The following MIA2 variants were observed in gnomAD, a reference collection of about 807,000 sequenced individuals.
MIA2 encodes MIA SH3 domain ER export factor 2.
A neutral mutation model predicts 167.8 loss-of-function variants in MIA2; 127 were observed. The observed-to-expected ratio is 0.76, with a 90% CI of 0.66 to 0.88. The LOEUF (loss-of-function observed/expected upper bound fraction) is 0.88. MIA2 is among the 40% of genes least tolerant of loss of function. MIA2 has a pLI of 0.00. For missense variants in MIA2, 1,690 were observed against 1,624.7 expected (o/e 1.04, Z -0.69); for synonymous variants, 552 against 541.9 (o/e 1.02, Z -0.26).
rs2064670852 is a variant in MIA2 at position 39,313,217 on chromosome 14, ATGTTTTCAG to A, written c.3018-120_3018-112del. The A allele has an allele frequency of 3.0e-5, 14 of 471,736 alleles. No individual in the cohort carries two copies. In the South Asian group the frequency reaches 5.6e-4, roughly 19 times the overall value. The allele number at this position is 471,736 out of a possible 1,614,324, so 29.2% of individuals were successfully genotyped here. ...GATACTTTTTTTTTCCTTGTAGGTG[ATGTTTTCAG>A]TGGTATTTTAGAAATCATTTGACAG... On this transcript the variant is annotated intron_variant, in intron 18 of 28. Coordinates refer to ENST00000640607, the MANE Select transcript of MIA2 (RefSeq NM_001329214.4).
At chr14:39,320,903 A>G in intron 23 of MIA2, 25 bp from the exon 24 acceptor site, 1 of 1,605,298 alleles carries the variant, frequency 6.2e-7, no homozygotes, top group South Asian at 1.1e-5. Flanking sequence ...CTATGAATTT[A>G]AATATGCTGT....
chr14:39,386,984 A>G (rs1457831788), exon 24 of MIA2: 3 of 762,862 alleles, frequency 3.9e-6, no homozygotes, highest in Non-Finnish European at 6.9e-6. Flanking sequence ...GACTAACGAG[A>G]TCTGTGACGA....
At chr14:39,255,337 G>A (rs1359086198) in intron 6 of MIA2, among the ~76,000 whole-genome samples, 1 of 151,982 alleles carries the variant, frequency 6.6e-6, no homozygotes, top group Non-Finnish European at 1.5e-5. Flanking sequence ...GTGAAACCTC[G>A]TCTCTACAAA....
chr14:39,296,732 C>CCACTAATGTGT (rs1419036933), intron 13 of MIA2, among the ~76,000 whole-genome samples: 2 of 150,624 alleles, frequency 1.3e-5, no homozygotes, highest in Non-Finnish European at 2.9e-5. Context: ...TGCGCTGCAC[C>CCACTAATGTGT]CACTAATGTG....
At chr14:39,360,815 A>G (rs924009776) in intron 23 of MIA2, among the ~76,000 whole-genome samples, 3 of 152,172 alleles carry the variant, frequency 2.0e-5, no homozygotes, top group Non-Finnish European at 4.4e-5. Context: ...TGTTTAATCC[A>G]TCTTGAGTTT....
chr14:39,332,388 T>G (rs561665064), intron 25 of MIA2, among the ~76,000 whole-genome samples: 2 of 152,192 alleles, frequency 1.3e-5, no homozygotes, highest in Non-Finnish European at 2.9e-5. Flanking sequence ...TAGGTTAGAA[T>G]ATGCTCCTTT....
chr14:39,385,818 A>G (rs1340705700), intron 23 of MIA2: 1 of 927,182 alleles, frequency 1.1e-6, no homozygotes, highest in African/African-American at 1.6e-5. Context: ...TTCTATTTAC[A>G]ACACAGGAAA....
intron 6 of MIA2, among the ~76,000 whole-genome samples, chr14:39,256,191 C>T (rs1178263161): frequency 6.6e-6 from 1 of 152,170 alleles, no homozygotes; most frequent in Non-Finnish European, 1.5e-5. Context: ...CATTTTCCTA[C>T]ATTTATGTCA....
chr14:39,267,239 A>T, intron 6 of MIA2: 1 of 1,382,394 alleles, frequency 7.2e-7, no homozygotes, highest in South Asian at 1.6e-5. Context: ...CTGCCTCGGG[A>T]TGTAAAGTAT....
Position 39,293,437 on chromosome 14 carries a change from A to G in MIA2, c.2319+56A>G, listed in dbSNP as rs1042831737. The G allele has an allele frequency of 5.2e-6, 6 of 1,161,820 alleles. No individual in the cohort carries two copies. In the African/African-American group the frequency reaches 9.4e-5, roughly 18 times the overall value. 72.0% of individuals were successfully genotyped at this position (1,161,820 alleles called of 1,614,324 possible). A position where few individuals can be genotyped will look rare whatever the true frequency, so the allele number is the denominator to read the frequency against. On this transcript the variant is annotated intron_variant, in intron 11 of 28. Transcript: ENST00000640607. ...GAAAAAGAAAGTTACTGAGCTTTAAAAAATTAATATGATACTGGTTAAAGT... is the reference window on the plus strand; with the variant it reads ...GAAAAAGAAAGTTACTGAGCTTTAAGAAATTAATATGATACTGGTTAAAGT...
intron 2 of MIA2, chr14:39,237,339 G>A: frequency 8.0e-6 from 3 of 374,766 alleles, no homozygotes; most frequent in South Asian, 4.6e-5. Flanking sequence ...TGTTGCCCAG[G>A]CTGGTCACAA....
rs1594592355 is a variant in MIA2, at chr14:39,235,950, A to G, written c.116-972A>G. Among the ~76,000 whole-genome samples the G allele has an allele frequency of 2.0e-5, 3 of 152,216 alleles. No homozygotes were observed. In the East Asian group the frequency reaches 5.8e-4, roughly 29 times the overall value. ...TGACAATAAAAATATCTTATTTTAC[A>G]TATGTTTGTATAATTATAATAGGTA... On this transcript the variant is annotated intron_variant, in intron 1 of 28. Coordinates refer to ENST00000640607, the MANE Select transcript of MIA2 (RefSeq NM_001329214.4).
At chr14:39,263,945 T>G (rs1594750221) in intron 6 of MIA2, among the ~76,000 whole-genome samples, 1 of 152,230 alleles carries the variant, frequency 6.6e-6, no homozygotes, top group East Asian at 1.9e-4. Flanking sequence ...CTTCCTTTCT[T>G]TCTTATTTCC....
chr14:39,277,175 G>A, intron 7 of MIA2, 110 bp downstream of exon 7: 4 of 1,366,216 alleles, frequency 2.9e-6, no homozygotes, highest in Non-Finnish European at 3.9e-6. Flanking sequence ...AACTACATAG[G>A]GATTCAGAGG....
In MIA2 at chr14:39,321,026, T is replaced by C. The variant is rs1258384794; in HGVS notation, c.3466T>C (p.Ser1156Pro). Residue 1156 changes from serine (S) to proline (P), a missense_variant, in exon 24 of 29, where the codon TCA (serine) becomes CCA (proline). Transcript: ENST00000640607. ...PTLLEGPLRL[S>P]PLLPGGGGRG... ...TTTGTTGGAGGGTCCACTCAGACTC[T>C]CACCTTTGCTTCCAGGGGGAGGAGG... 7 of 1,613,396 alleles carry C rather than the reference T, an allele frequency of 4.3e-6. No individual in the cohort carries two copies. In the South Asian group the frequency reaches 7.7e-5, roughly 18 times the overall value.
At chr14:39,348,132 C>T (rs2073823214) in intron 27 of MIA2, among the ~76,000 whole-genome samples, 1 of 152,108 alleles carries the variant, frequency 6.6e-6, no homozygotes, top group South Asian at 2.1e-4. Flanking sequence ...TGTGCCTGGC[C>T]TGTGCCTTCT....
At chr14:39,371,960 C>CT (rs920718565) in intron 23 of MIA2, among the ~76,000 whole-genome samples, 94 of 148,346 alleles carry the variant, frequency 6.3e-4, no homozygotes, top group African/African-American at 2.0e-3. Flanking sequence ...GTCCTTTTTT[C>CT]TTTTTTTTTT....
chr14:39,381,612 G>A (rs2075162514), intron 23 of MIA2, among the ~76,000 whole-genome samples: 1 of 151,774 alleles, frequency 6.6e-6, no homozygotes, highest in African/African-American at 2.4e-5. Flanking sequence ...GCAAAAGGTG[G>A]CCTTGTTACA....
chr14:39,318,264 A>G (rs2065844142), intron 22 of MIA2, among the ~76,000 whole-genome samples: 1 of 152,154 alleles, frequency 6.6e-6, no homozygotes, highest in Non-Finnish European at 1.5e-5. Flanking sequence ...TTTTTAAACC[A>G]GTGTAGATGG....
Sources: gnomAD v4.1 joint callset for allele counts (sites outside exome capture counted in the v4.1 genomes callset) on GRCh38, gnomAD v4.1.1 for gene constraint, MANE v1.5 for transcripts, NCBI Gene and HGNC (gene_info 2026-07-23, HGNC 2026-07-21) for gene names.